Variants in SUPT3H observed in about 807,000 individuals in gnomAD.
SUPT3H encodes the protein SPT3 homolog, SAGA and STAGA complex component.
In SUPT3H, 44 loss-of-function variants were observed where a neutral mutation model predicts 44.3. The observed-to-expected ratio is 0.99, with a 90% CI of 0.78 to 1.28. The LOEUF is 1.28. SUPT3H is among the 50% of genes most tolerant of loss of function. The pLI, the probability that SUPT3H is intolerant of heterozygous loss-of-function variation, is 0.00. For synonymous variants in SUPT3H, 124 were observed against 125.6 expected (o/e 0.99, Z 0.09); for missense variants, 380 against 387.1 (o/e 0.98, Z 0.15).
chr6:45,136,917 T>C (rs1394900276), intron 2 of SUPT3H, among the ~76,000 whole-genome samples: 1 of 151,860 alleles, frequency 6.6e-6, no homozygotes, highest in Non-Finnish European at 1.5e-5. Flanking sequence ...ATGAAAAACA[T>C]TAATCTACAC....
chr6:45,062,228 C>T (rs1792216284), intron 3 of SUPT3H, among the ~76,000 whole-genome samples: 1 of 151,810 alleles, frequency 6.6e-6, no homozygotes, highest in Non-Finnish European at 1.5e-5. Context: ...TTACATTCAT[C>T]TTAGAAAGTA....
chr6:44,935,096 G>A (rs1582599709), intron 9 of SUPT3H, among the ~76,000 whole-genome samples: 1 of 151,780 alleles, frequency 6.6e-6, no homozygotes, highest in African/African-American at 2.4e-5. Flanking sequence ...GCTACTAGGC[G>A]CACTTTTATA....
rs554931946 is a variant in SUPT3H at position 45,282,499 on chromosome 6, A to G, written c.101+82702T>C. On this transcript the variant is annotated intron_variant, in intron 2 of 10. Coordinates refer to ENST00000371459, the MANE Select transcript of SUPT3H (RefSeq NM_003599.4). ...GAAAGGGTATCAGTGATGGAAGATC[A>G]AATGAATGAAATGAAGTGAGAAGAG... 3.3e-5 allele frequency among the ~76,000 whole-genome samples: 5 copies of G among 152,348 alleles called. No homozygotes were observed. In the East Asian group the frequency reaches 9.6e-4, roughly 29 times the overall value.
At chr6:44,959,169 C>T (rs754280748) in intron 7 of SUPT3H, among the ~76,000 whole-genome samples, 2 of 151,960 alleles carry the variant, frequency 1.3e-5, no homozygotes, top group South Asian at 2.1e-4. Context: ...GGATTACAGG[C>T]GTGAGCCACC....
At chr6:45,050,878 ATTTTTTT>A (rs35575281) in intron 3 of SUPT3H, among the ~76,000 whole-genome samples, 13 of 86,162 alleles carry the variant, frequency 1.5e-4, no homozygotes, top group African/African-American at 5.2e-4. Flanking sequence ...AGGGTATGGG[ATTTTTTT>A]TTTTTTTTTT....
intron 6 of SUPT3H, among the ~76,000 whole-genome samples, chr6:44,997,830 A>G (rs943752507): frequency 5.9e-5 from 9 of 151,860 alleles, no homozygotes; most frequent in South Asian, 2.1e-4. Flanking sequence ...GTTTATTAAG[A>G]TTTTCTAAAA....
intron 10 of SUPT3H, among the ~76,000 whole-genome samples, chr6:44,891,661 T>G (rs1763338827): frequency 6.6e-6 from 1 of 152,048 alleles, no homozygotes; most frequent in African/African-American, 2.4e-5. Flanking sequence ...TGATAAAATA[T>G]TTCTGAAAAT....
At chr6:44,891,034 C>T (rs944634207) in intron 10 of SUPT3H, among the ~76,000 whole-genome samples, 9 of 151,876 alleles carry the variant, frequency 5.9e-5, no homozygotes, top group Non-Finnish European at 8.8e-5. Context: ...ATGTAGATGA[C>T]GGGTTGATGG....
At chr6:45,203,438 C>G (rs1342054863) in intron 2 of SUPT3H, among the ~76,000 whole-genome samples, 1 of 152,136 alleles carries the variant, frequency 6.6e-6, no homozygotes, top group African/African-American at 2.4e-5. Flanking sequence ...GTTATTCAGA[C>G]TATCTCTCAT....
At position 45,326,132 on chromosome 6, in the gene SUPT3H, A is replaced by C. The variant is rs116377040; in HGVS notation, c.101+39069T>G. The stretch of plus-strand genomic sequence containing the variant: ...AAATTACTTAAATTCTTATCAGGTC[A>C]ATTTGAAGAGCCAAAGTTTACATAA... On this transcript the variant is annotated intron_variant, in intron 2 of 10. Coordinates refer to ENST00000371459, the MANE Select transcript of SUPT3H (RefSeq NM_003599.4). Among the ~76,000 whole-genome samples, 1,350 of 151,988 alleles carry C rather than the reference A, an allele frequency of 8.9e-3. 10 individuals are homozygous for C. Among genetic ancestry groups the C allele is most frequent in the Non-Finnish European group, 0.012 (806 of 67,832 alleles).
intron 9 of SUPT3H, among the ~76,000 whole-genome samples, chr6:44,942,026 T>G (rs893730031): frequency 3.9e-5 from 6 of 152,182 alleles, no homozygotes; most frequent in Admixed American, 6.6e-5. Context: ...AGGAAAACTT[T>G]GTTGTAAAAT....
intron 2 of SUPT3H, among the ~76,000 whole-genome samples, chr6:45,221,721 C>T (rs1469392130): frequency 6.6e-6 from 1 of 151,966 alleles, no homozygotes; most frequent in African/African-American, 2.4e-5. Flanking sequence ...TTTTTGTAGA[C>T]ATAGGGAAGC....
In SUPT3H at chr6:45,253,611, G is replaced by A. The variant is rs192900835; in HGVS notation, c.101+111590C>T. ...CTCGAGACCAGCCTGAGCAACCTAAGCAGAACCTTGTCTCTACATAAAACT... is the reference window on the plus strand; with the variant it reads ...CTCGAGACCAGCCTGAGCAACCTAAACAGAACCTTGTCTCTACATAAAACT... On this transcript the variant is annotated intron_variant, in intron 2 of 10. Coordinates refer to ENST00000371459, the MANE Select transcript of SUPT3H (RefSeq NM_003599.4). 9.2e-5 allele frequency among the ~76,000 whole-genome samples: 14 copies of A among 151,804 alleles called. No individual in the cohort carries two copies. In the East Asian group the frequency reaches 2.5e-3, roughly 27 times the overall value.
intron 2 of SUPT3H, among the ~76,000 whole-genome samples, chr6:45,204,370 A>C (rs1762898659): frequency 6.6e-6 from 1 of 152,174 alleles, no homozygotes; most frequent in South Asian, 2.1e-4. Context: ...TAAGGTGAGA[A>C]GAAACAACAA....
At chr6:44,957,707 G>A (rs191498826) in intron 7 of SUPT3H, among the ~76,000 whole-genome samples, 221 of 151,706 alleles carry the variant, frequency 1.5e-3, no homozygotes, top group African/African-American at 5.1e-3. Context: ...ATCTCCAACT[G>A]TATCCCTAGC....
downstream of SUPT3H, among the ~76,000 whole-genome samples, chr6:44,822,184 G>T (rs1767373959): frequency 6.6e-6 from 1 of 152,084 alleles, no homozygotes; most frequent in South Asian, 2.1e-4. Context: ...TCACTGTTTG[G>T]GGCCTGCAGA....
chr6:45,022,309 C>T (rs561729294), intron 3 of SUPT3H, among the ~76,000 whole-genome samples: 1 of 151,886 alleles, frequency 6.6e-6, no homozygotes, highest in Non-Finnish European at 1.5e-5. Context: ...TATAAATAAT[C>T]TCTATTCATA....
At chr6:45,039,519 G>T (rs1261682156) in intron 3 of SUPT3H, among the ~76,000 whole-genome samples, 12 of 152,030 alleles carry the variant, frequency 7.9e-5, no homozygotes, top group Non-Finnish European at 1.5e-4. Context: ...CCTGGGCCGG[G>T]CATGTAATCC....
intron 6 of SUPT3H, among the ~76,000 whole-genome samples, chr6:44,975,522 C>G (rs1365963020): frequency 6.7e-6 from 1 of 150,368 alleles, no homozygotes; most frequent in Non-Finnish European, 1.5e-5. Flanking sequence ...TAAGTAAGAA[C>G]TAAGCTATGA....
Sources: gnomAD v4.1 joint callset for allele counts (sites outside exome capture counted in the v4.1 genomes callset) on GRCh38, gnomAD v4.1.1 for gene constraint, MANE v1.5 for transcripts, NCBI Gene and HGNC (gene_info 2026-07-23, HGNC 2026-07-21) for gene names.